Variants in MAPRE2 observed in about 807,000 individuals in gnomAD.
MAPRE2 encodes microtubule-associated protein RP/EB family member 2.
A neutral mutation model predicts 43.2 loss-of-function variants in MAPRE2; 13 were observed. The observed-to-expected ratio is 0.30, with a 90% CI of 0.20 to 0.48. MAPRE2 has a LOEUF of 0.48. MAPRE2 is among the 20% of genes least tolerant of loss of function. The probability of loss-of-function intolerance (pLI) is 0.99; values close to 1 mark genes in which losing one functional copy is unlikely to be tolerated. For missense variants in MAPRE2, 161 were observed against 400.2 expected, an observed-to-expected ratio of 0.40 and a Z score of 5.10; for synonymous variants, 135 against 148.8, an observed-to-expected ratio of 0.91 and a Z score of 0.68.
intron 1 of MAPRE2, among the ~76,000 whole-genome samples, chr18:35,063,835 A>G (rs890444416): frequency 2.6e-5 from 4 of 151,860 alleles, no homozygotes; most frequent in Admixed American, 2.6e-4. Flanking sequence ...CTGTCTCTAC[A>G]AAAAAATGAA....
rs1376965203 is a variant in MAPRE2 at position 35,055,037 on chromosome 18, C to T, written c.122+13376C>T. On this transcript the variant is annotated intron_variant, in intron 1 of 6. Transcript: ENST00000300249. ...ACGGTTAAGTATTATACAAATATTA[C>T]ATGTGAAGAAAATATGAAAAAAGTT... Among the ~76,000 whole-genome samples, 5 of 152,096 alleles carry T rather than the reference C, an allele frequency of 3.3e-5. No homozygotes were observed. The East Asian group carries it at 9.6e-4, about 29-fold the overall frequency.
intron 4 of MAPRE2, among the ~76,000 whole-genome samples, chr18:35,110,072 G>A (rs1444818013): frequency 1.3e-5 from 2 of 151,826 alleles, no homozygotes; most frequent in Non-Finnish European, 2.9e-5. Context: ...AATTAATACT[G>A]TACACCTTTA....
rs1910584554 is a variant in MAPRE2 at position 35,140,473 on chromosome 18, A to G, written c.*104A>G. ...GCTCAACAGAAACCAGTTGTTCCCA[A>G]TCTGCCGTTACCATCAACGCACTGT... On this transcript the variant is annotated 3_prime_UTR_variant, in exon 7 of 7. Coordinates refer to ENST00000300249, the MANE Select transcript of MAPRE2 (RefSeq NM_014268.4). 4.5e-6 allele frequency: 5 copies of G among 1,108,416 alleles called. No individual in the cohort carries two copies. The East Asian group carries it at 1.0e-4, about 23-fold the overall frequency. 68.7% of individuals were successfully genotyped at this position (1,108,416 alleles called of 1,614,324 possible).
At chr18:34,983,967 G>A (rs1308138385) in intron 1 of MAPRE2, among the ~76,000 whole-genome samples, 2 of 152,046 alleles carry the variant, frequency 1.3e-5, no homozygotes, top group African/African-American at 2.4e-5. Flanking sequence ...TGCATTTACT[G>A]TAAATTGCTT....
intron 6 of MAPRE2, among the ~76,000 whole-genome samples, chr18:35,133,861 G>T (rs1031727684): frequency 2.6e-5 from 4 of 152,000 alleles, no homozygotes; most frequent in Admixed American, 6.6e-5. Context: ...CTAGATGACC[G>T]CACTCAGTTT....
Position 35,054,669 on chromosome 18 carries a change from C to T in MAPRE2, c.122+13008C>T, listed in dbSNP as rs559392644. Among the ~76,000 whole-genome samples the T allele has an allele frequency of 1.0e-3, 159 of 152,124 alleles. 1 individual carries two copies. Among genetic ancestry groups the T allele is most frequent in the Admixed American group, 1.6e-3 (25 of 15,276 alleles). ...TGTGATTCCCTTAGTTTACGATGGC[C>T]AAGGATGTGTGGGTTTTTTTGTTTG... On this transcript the variant is annotated intron_variant, in intron 1 of 6. Transcript: ENST00000300249.
At chr18:35,099,405 A>G (rs1259354677) in intron 3 of MAPRE2, among the ~76,000 whole-genome samples, 1 of 152,200 alleles carries the variant, frequency 6.6e-6, no homozygotes, top group Non-Finnish European at 1.5e-5. Flanking sequence ...ACTTGAGGCC[A>G]GGAGTTCCAG....
chr18:35,016,623 A>C (rs929870778), intron 2 of MAPRE2, among the ~76,000 whole-genome samples: 6 of 151,688 alleles, frequency 4.0e-5, no homozygotes, highest in African/African-American at 1.5e-4. Context: ...ATGTCTGTTC[A>C]TGTTTTTGCC....
Position 35,084,374 on chromosome 18 carries a change from C to T in MAPRE2, c.251-13072C>T, listed in dbSNP as rs540242821. Among the ~76,000 whole-genome samples, 97 of 152,264 alleles carry T rather than the reference C, an allele frequency of 6.4e-4. 1 individual carries two copies. In the South Asian group the frequency reaches 0.012, roughly 19 times the overall value. The stretch of plus-strand genomic sequence containing the variant: ...CAGAGGATACTGGCACCTTTAACTG[C>T]AGTTTGGTGCAGGCCTATAAGATTC... On this transcript the variant is annotated intron_variant, in intron 2 of 6. Coordinates refer to ENST00000300249, the MANE Select transcript of MAPRE2 (RefSeq NM_014268.4).
intron 2 of MAPRE2, among the ~76,000 whole-genome samples, chr18:35,022,827 A>G (rs2097042779): frequency 6.6e-6 from 1 of 152,230 alleles, no homozygotes; most frequent in Non-Finnish European, 1.5e-5. Context: ...AACACAGTAG[A>G]GAGTCAACAG....
At chr18:35,134,568 G>A (rs536152038) in intron 6 of MAPRE2, among the ~76,000 whole-genome samples, 3 of 152,344 alleles carry the variant, frequency 2.0e-5, no homozygotes, top group East Asian at 1.9e-4. Flanking sequence ...CTCCCTCGCC[G>A]AGTGGTGGGT....
intron 5 of MAPRE2, among the ~76,000 whole-genome samples, chr18:35,131,565 T>G (rs1307821407): frequency 6.6e-6 from 1 of 152,024 alleles, no homozygotes; most frequent in Non-Finnish European, 1.5e-5. Context: ...AGGGCACTCA[T>G]CCTATTCATA....
At chr18:35,054,891 G>A (rs767322920) in intron 1 of MAPRE2, among the ~76,000 whole-genome samples, 5 of 152,170 alleles carry the variant, frequency 3.3e-5, no homozygotes, top group Non-Finnish European at 5.9e-5. Context: ...TGAAGTGACC[G>A]TCAGTTCTAT....
At chr18:35,134,524 A>C (rs1910299881) in intron 6 of MAPRE2, among the ~76,000 whole-genome samples, 1 of 152,244 alleles carries the variant, frequency 6.6e-6, no homozygotes, top group African/African-American at 2.4e-5. Context: ...AGGTTTATCT[A>C]ACTCAGAGGC....
At chr18:35,071,240 G>A (rs1046029373) in intron 2 of MAPRE2, among the ~76,000 whole-genome samples, 1 of 152,192 alleles carries the variant, frequency 6.6e-6, no homozygotes, top group Non-Finnish European at 1.5e-5. Flanking sequence ...GCTAGGCCAG[G>A]TGTGGTGACT....
At chr18:35,118,922 T>TG (rs1909543154) in intron 4 of MAPRE2, among the ~76,000 whole-genome samples, 1 of 152,160 alleles carries the variant, frequency 6.6e-6, no homozygotes, top group Admixed American at 6.5e-5. Context: ...CTTCCTCTCC[T>TG]GCCTCAGGTC....
intron 1 of MAPRE2, among the ~76,000 whole-genome samples, chr18:35,065,240 G>A (rs1906777355): frequency 6.6e-6 from 1 of 151,878 alleles, no homozygotes; most frequent in South Asian, 2.1e-4. Flanking sequence ...AGACGTTGCA[G>A]TGAGCCAAGA....
rs1243473759 is a variant in MAPRE2, at chr18:35,087,166, A to C, written c.251-10280A>C. Among the ~76,000 whole-genome samples, 4 of 152,102 alleles carry C rather than the reference A, an allele frequency of 2.6e-5. No individual in the cohort carries two copies. The East Asian group carries it at 7.7e-4, about 29-fold the overall frequency. On this transcript the variant is annotated intron_variant, in intron 2 of 6. Coordinates refer to ENST00000300249, the MANE Select transcript of MAPRE2 (RefSeq NM_014268.4). Reference sequence around the variant, plus strand: ...GTTCATTTTTTATTCCTGTCCTCACACTTGTCAGCTTCATTATGTCAATTT... The same window carrying C: ...GTTCATTTTTTATTCCTGTCCTCACCCTTGTCAGCTTCATTATGTCAATTT...
In MAPRE2 at chr18:35,097,311, G is replaced by A. The variant is rs375105504; in HGVS notation, c.251-135G>A. ...ATCCTGTGGACAAGGAGATATAAGC[G>A]CATTGGTAAGAAGGACACACTCTGC... On this transcript the variant is annotated intron_variant, in intron 2 of 6. Transcript: ENST00000300249. 158 of 729,742 alleles carry A rather than the reference G, an allele frequency of 2.2e-4. 1 individual carries two copies. The highest frequency in any genetic ancestry group is 2.1e-3 in the East Asian group (85 of 40,116). The allele number at this position is 729,742 out of a possible 1,614,324, so 45.2% of individuals were successfully genotyped here.
Sources: gnomAD v4.1 joint callset for allele counts (sites outside exome capture counted in the v4.1 genomes callset) on GRCh38, gnomAD v4.1.1 for gene constraint, MANE v1.5 for transcripts, NCBI Gene and HGNC (gene_info 2026-07-23, HGNC 2026-07-21) for gene names.